Variants in ZNF678 observed in about 807,000 individuals in gnomAD.
ZNF678 encodes the protein hypothetical protein MGC42493.
Under a neutral mutation model 3.0 loss-of-function variants are expected in ZNF678, and 5 were observed. The ratio of observed to expected loss-of-function variants is 1.69; its 90% confidence interval spans 0.88 to 3.56. The LOEUF (loss-of-function observed/expected upper bound fraction) is 3.56, where lower values mean the gene tolerates loss of function less well. Ranked by LOEUF, ZNF678 falls within the 30% of genes most tolerant of loss-of-function variation. ZNF678 has a pLI of 0.00. For synonymous variants in ZNF678, 218 were observed against 199.6 expected (o/e 1.09, Z -0.78); for missense variants, 593 against 605.0 (o/e 0.98, Z 0.21).
intron 1 of ZNF678, among the ~76,000 whole-genome samples, chr1:227,642,905 A>G (rs1658857655): frequency 6.6e-6 from 1 of 152,112 alleles, no homozygotes; most frequent in Non-Finnish European, 1.5e-5. Context: ...ATGCAAACTA[A>G]TATATAGACC....
chr1:227,664,480 C>A (rs1208834284), downstream of ZNF678, among the ~76,000 whole-genome samples: 1 of 152,204 alleles, frequency 6.6e-6, no homozygotes, highest in South Asian at 2.1e-4. Flanking sequence ...TGAGGCCTTA[C>A]CTGCATGGGC....
At chr1:227,652,023 C>A (rs1659103747) in intron 3 of ZNF678, among the ~76,000 whole-genome samples, 1 of 152,106 alleles carries the variant, frequency 6.6e-6, no homozygotes, top group Non-Finnish European at 1.5e-5. Context: ...CTTTGCATTT[C>A]AAATTTGTGT....
At chr1:227,676,768 G>A (rs1020792116) in intron 5 of ZNF678, among the ~76,000 whole-genome samples, 14 of 150,050 alleles carry the variant, frequency 9.3e-5, no homozygotes, top group Non-Finnish European at 1.6e-4. Context: ...GAGAACATGC[G>A]GTGTTTGGTT....
chr1:227,580,996 G>A (rs1054696093), intron 1 of ZNF678, among the ~76,000 whole-genome samples: 1 of 151,926 alleles, frequency 6.6e-6, no homozygotes, highest in Non-Finnish European at 1.5e-5. Flanking sequence ...TTAGAGTATG[G>A]ACTTCTATAT....
chr1:227,620,467 GC>G (rs1414790590), intron 1 of ZNF678, among the ~76,000 whole-genome samples: 1 of 152,148 alleles, frequency 6.6e-6, no homozygotes, highest in Admixed American at 6.5e-5. Context: ...TAAGGGACTT[GC>G]GTTGTTTCAC....
In ZNF678 at chr1:227,655,387, C is replaced by G. The variant is rs753360755; in HGVS notation, c.1137C>G (p.Cys379Trp). The stretch of plus-strand genomic sequence containing the variant: ...ATACTGGAGAGAAACCCTACAAATG[C>G]AAAGAATGTGGCAAAGCGTTTAACA... The part of the protein sequence containing the change: ...RIHTGEKPYK[C>W]KECGKAFNKF... Residue 379 changes from cysteine to tryptophan, a missense_variant, in exon 4 of 4, where the codon TGC becomes TGG. By Grantham distance (215) the Cys-to-Trp change is radical (BLOSUM62 -2). Coordinates refer to ENST00000343776, the MANE Select transcript of ZNF678 (RefSeq NM_001367909.1). The G allele has an allele frequency of 1.9e-6, 3 of 1,606,790 alleles. No individual in the cohort carries two copies. The highest frequency in any genetic ancestry group is 4.5e-5 in the East Asian group (2 of 44,434).
chr1:227,592,377 G>T (rs1225561214), intron 1 of ZNF678, among the ~76,000 whole-genome samples: 4 of 152,226 alleles, frequency 2.6e-5, no homozygotes, highest in Admixed American at 6.5e-5. Flanking sequence ...CCTTAGACAT[G>T]GGGGCCAGAC....
chr1:227,669,948 T>C (rs1034112494), intron 5 of ZNF678, among the ~76,000 whole-genome samples: 1 of 152,154 alleles, frequency 6.6e-6, no homozygotes, highest in Non-Finnish European at 1.5e-5. Context: ...GTGGAATCAA[T>C]CTAGGTGCCC....
intron 5 of ZNF678, chr1:227,677,037 A>G (rs377615208): frequency 2.2e-4 from 34 of 152,364 alleles, no homozygotes; most frequent in African/African-American, 7.9e-4. Flanking sequence ...GTATATACCC[A>G]GTAATGGGAT....
chr1:227,678,574 G>A (rs576029095), downstream of ZNF678, among the ~76,000 whole-genome samples: 9 of 152,246 alleles, frequency 5.9e-5, no homozygotes, highest in South Asian at 1.9e-3. Flanking sequence ...ATACACCCCG[G>A]GCTGATGTCT....
chr1:227,624,981 G>T (rs1434980706), intron 1 of ZNF678, among the ~76,000 whole-genome samples: 1 of 152,150 alleles, frequency 6.6e-6, no homozygotes, highest in Non-Finnish European at 1.5e-5. Context: ...TGAAAACAGG[G>T]TTCCCATACA....
chr1:227,622,305 T>C (rs1455514287), intron 1 of ZNF678, among the ~76,000 whole-genome samples: 1 of 152,266 alleles, frequency 6.6e-6, no homozygotes, highest in East Asian at 1.9e-4. Flanking sequence ...ACAAAGTCTT[T>C]GCATCCACCT....
chr1:227,613,993 T>C (rs1030695585), intron 1 of ZNF678, among the ~76,000 whole-genome samples: 9 of 152,218 alleles, frequency 5.9e-5, no homozygotes, highest in African/African-American at 1.2e-4. Context: ...TGACATTTGC[T>C]CCTGCTATTG....
chr1:227,599,817 T>A lies in ZNF678; in HGVS notation c.-164+36093T>A, dbSNP rs1007075245. ...AAATTCAGCTTTATTATTTTTTCTT[T>A]ATTTTTTTATTTCAAGCACGGGGTA... On this transcript the variant is annotated intron_variant, in intron 1 of 3. Coordinates refer to ENST00000343776, the MANE Select transcript of ZNF678 (RefSeq NM_001367909.1). Among the ~76,000 whole-genome samples, 3 of 152,216 alleles carry A rather than the reference T, an allele frequency of 2.0e-5. No individual in the cohort carries two copies. In the South Asian group the frequency reaches 6.2e-4, roughly 31 times the overall value.
intron 3 of ZNF678, among the ~76,000 whole-genome samples, chr1:227,651,870 G>A (rs985722846): frequency 4.6e-5 from 7 of 152,096 alleles, no homozygotes; most frequent in South Asian, 2.1e-4. Context: ...TATGGTGCCC[G>A]GCTCTGTCAC....
In ZNF678 at chr1:227,596,786, T is replaced by C. The variant is rs151222433; in HGVS notation, c.-164+33062T>C. On this transcript the variant is annotated intron_variant, in intron 1 of 3. Coordinates refer to ENST00000343776, the MANE Select transcript of ZNF678 (RefSeq NM_001367909.1). The stretch of plus-strand genomic sequence containing the variant: ...ATATAACTTGATGTACAATTTTGCC[T>C]GTTACAAAGGATGTGCTAAATATAG... Among the ~76,000 whole-genome samples the C allele has an allele frequency of 4.0e-3, 616 of 152,350 alleles. 5 individuals carry two copies. The highest frequency in any genetic ancestry group is 0.014 in the African/African-American group (568 of 41,588).
rs1268949548 is a variant in ZNF678 at position 227,662,046 on chromosome 1, G to A, written c.*6218G>A. On this transcript the variant is annotated 3_prime_UTR_variant, in exon 4 of 4. Coordinates refer to ENST00000343776, the MANE Select transcript of ZNF678 (RefSeq NM_001367909.1). Reference sequence around the variant, plus strand: ...TTCCAATACATCAGTGCATGTGGAGGACATGAGTATTTAAGGAGAAGGTTC... The same window carrying A: ...TTCCAATACATCAGTGCATGTGGAGAACATGAGTATTTAAGGAGAAGGTTC... 6.6e-6 allele frequency: 1 copy of A among 152,190 alleles called. No individual in the cohort carries two copies. Among genetic ancestry groups the A allele is most frequent in the Non-Finnish European group, 1.5e-5 (1 of 68,046 alleles). 9.4% of individuals were successfully genotyped at this position (152,190 alleles called of 1,614,324 possible).
intron 1 of ZNF678, among the ~76,000 whole-genome samples, chr1:227,572,599 G>A (rs891862594): frequency 6.6e-6 from 1 of 152,088 alleles, no homozygotes; most frequent in Non-Finnish European, 1.5e-5. Flanking sequence ...TCATCATCCC[G>A]GTACCCAGGG....
At chr1:227,566,179 C>T (rs867257006) in intron 1 of ZNF678, among the ~76,000 whole-genome samples, 3 of 152,112 alleles carry the variant, frequency 2.0e-5, no homozygotes, top group Non-Finnish European at 4.4e-5. Flanking sequence ...GTTTTTTCCT[C>T]CCAGAGGACA....
Sources: allele counts gnomAD v4.1 joint callset (sites outside exome capture counted in the v4.1 genomes callset), GRCh38; gene constraint gnomAD v4.1.1; transcripts MANE v1.5; gene names NCBI Gene and HGNC (gene_info 2026-07-23, HGNC 2026-07-21).